The following STPG2 variants were observed in gnomAD, a reference collection of about 807,000 sequenced individuals.
STPG2 encodes the protein sperm-tail PG-rich repeat-containing protein 2.
In STPG2, 56 loss-of-function variants were observed where a neutral mutation model predicts 54.2. The ratio of observed to expected loss-of-function variants is 1.03; its 90% CI spans 0.83 to 1.29. STPG2 has a LOEUF of 1.29. STPG2 is among the 50% of genes most tolerant of loss of function. The pLI is 0.00. For synonymous variants in STPG2, 200 were observed against 181.8 expected, an observed-to-expected ratio of 1.10 and a Z score of -0.81; for missense variants, 596 against 544.9, an observed-to-expected ratio of 1.09 and a Z score of -0.93.
At chr4:97,687,041 C>T (rs1373172817) in intron 10 of STPG2, among the ~76,000 whole-genome samples, 1 of 151,246 alleles carries the variant, frequency 6.6e-6, no homozygotes, top group Non-Finnish European at 1.5e-5. Flanking sequence ...CCCGGGTTCA[C>T]GCCATTCTCC....
chr4:98,099,696 C>T (rs892766203), intron 5 of STPG2, among the ~76,000 whole-genome samples: 5 of 152,110 alleles, frequency 3.3e-5, no homozygotes. Flanking sequence ...GTGCTTATTT[C>T]ACATTGCATG....
intron 4 of STPG2, among the ~76,000 whole-genome samples, chr4:97,535,140 A>G (rs144118401): frequency 5.3e-5 from 8 of 152,310 alleles, no homozygotes; most frequent in African/African-American, 1.9e-4. Context: ...TCATTTGGGC[A>G]AATACTTAGG....
At chr4:97,527,041 G>A (rs1051847732) in intron 4 of STPG2, among the ~76,000 whole-genome samples, 14 of 151,056 alleles carry the variant, frequency 9.3e-5, no homozygotes, top group African/African-American at 2.9e-4. Flanking sequence ...GGATACATGT[G>A]CAGAACGTGC....
chr4:97,442,573 G>T (rs1396248102), intron 4 of STPG2, among the ~76,000 whole-genome samples: 2 of 152,258 alleles, frequency 1.3e-5, no homozygotes, highest in East Asian at 1.9e-4. Context: ...AGAAAAGATA[G>T]AATTGGGTCT....
intron 4 of STPG2, among the ~76,000 whole-genome samples, chr4:97,550,596 T>C (rs1484320472): frequency 6.6e-6 from 1 of 152,212 alleles, no homozygotes; most frequent in African/African-American, 2.4e-5. Flanking sequence ...GATTATTTAC[T>C]ATAACTGTGT....
At chr4:97,466,760 C>T (rs188832820) in intron 4 of STPG2, among the ~76,000 whole-genome samples, 6 of 151,902 alleles carry the variant, frequency 3.9e-5, no homozygotes, top group Non-Finnish European at 5.9e-5. Flanking sequence ...ATATGAGCTG[C>T]TTGAATAAGT....
chr4:97,858,575 CAA>C (rs747547789), intron 8 of STPG2, among the ~76,000 whole-genome samples: 2 of 152,078 alleles, frequency 1.3e-5, no homozygotes, highest in Non-Finnish European at 2.9e-5. Context: ...CTCCAAGTCC[CAA>C]GAGTCCATTA....
intron 10 of STPG2, among the ~76,000 whole-genome samples, chr4:97,677,714 T>A (rs997466240): frequency 2.0e-5 from 3 of 152,324 alleles, no homozygotes; most frequent in East Asian, 3.9e-4. Context: ...AGAACAACCA[T>A]CTTGAACCGG....
intron 8 of STPG2, among the ~76,000 whole-genome samples, chr4:97,862,860 G>A (rs567853528): frequency 3.9e-5 from 6 of 152,248 alleles, no homozygotes; most frequent in East Asian, 1.9e-4. Flanking sequence ...CATACGTAAC[G>A]AAATGGAGGC....
intron 4 of STPG2, among the ~76,000 whole-genome samples, chr4:97,545,770 A>C (rs998357270): frequency 1.3e-5 from 2 of 152,124 alleles, no homozygotes; most frequent in Non-Finnish European, 2.9e-5. Context: ...AAGAAACACA[A>C]AGGTTGATAA....
chr4:97,733,813 A>C (rs1261855814), intron 9 of STPG2, among the ~76,000 whole-genome samples: 1 of 151,758 alleles, frequency 6.6e-6, no homozygotes, highest in Non-Finnish European at 1.5e-5. Context: ...ATCCACTTTC[A>C]ATGTTTGCTC....
intron 8 of STPG2, among the ~76,000 whole-genome samples, chr4:97,934,463 C>G (rs1264869034): frequency 1.3e-5 from 2 of 152,074 alleles, no homozygotes; most frequent in Non-Finnish European, 2.9e-5. Flanking sequence ...ATGCTTCCAG[C>G]TTTTTCCCAC....
intron 9 of STPG2, among the ~76,000 whole-genome samples, chr4:97,782,479 A>G (rs191227273): frequency 1.3e-4 from 20 of 152,192 alleles, no homozygotes; most frequent in African/African-American, 4.8e-4. Flanking sequence ...GGAAGAATCA[A>G]TATTGTGAAA....
At chr4:98,061,986 CACATGT>C (rs1264528053) in intron 5 of STPG2, among the ~76,000 whole-genome samples, 2 of 152,088 alleles carry the variant, frequency 1.3e-5, no homozygotes, top group Non-Finnish European at 2.9e-5. Flanking sequence ...ACCATAAAGA[CACATGT>C]ACATGAATGT....
At chr4:98,136,727 A>C (rs537745155) in intron 1 of STPG2, among the ~76,000 whole-genome samples, 1 of 151,878 alleles carries the variant, frequency 6.6e-6, no homozygotes, top group African/African-American at 2.4e-5. Context: ...AGCTGGGAGA[A>C]ATGGAAGCAT....
chr4:97,571,434 A>G (rs1263606156), intron 10 of STPG2, among the ~76,000 whole-genome samples: 1 of 152,060 alleles, frequency 6.6e-6, no homozygotes, highest in African/African-American at 2.4e-5. Context: ...CACTAACATC[A>G]ACACAGACTT....
chr4:97,504,998 C>G (rs1730814302), intron 4 of STPG2, among the ~76,000 whole-genome samples: 1 of 151,450 alleles, frequency 6.6e-6, no homozygotes, highest in Admixed American at 6.6e-5. Context: ...AATCTGAAGA[C>G]CAGGCACAAA....
rs57563048 is a variant in STPG2, at chr4:97,456,891, C to CAAAAA, written c.462+255803_462+255807dup. On this transcript the variant is annotated intron_variant, in intron 4 of 4. Transcript: ENST00000522676. Reference sequence around the variant, plus strand: ...GCCTGGGTAACAGAGTGCTCCGTCTCAAAAAAAAAAAAAAGAAAATTAAAA... The same window carrying CAAAAA: ...GCCTGGGTAACAGAGTGCTCCGTCTCAAAAAAAAAAAAAAAAAAAGAAAATTAAAA... Among the ~76,000 whole-genome samples the CAAAAA allele has an allele frequency of 3.7e-3, 183 of 48,884 alleles. 6 individuals are homozygous for CAAAAA. Among genetic ancestry groups the CAAAAA allele is most frequent in the African/African-American group, 8.6e-3 (75 of 8,720 alleles). The allele number at this position is 48,884 out of a possible 152,430, so 32.1% of individuals were successfully genotyped here.
At chr4:97,864,163 T>A (rs1729671323) in intron 8 of STPG2, among the ~76,000 whole-genome samples, 1 of 152,192 alleles carries the variant, frequency 6.6e-6, no homozygotes, top group Non-Finnish European at 1.5e-5. Context: ...AAATTGTCCC[T>A]GTTTGCAGAT....
Sources: gnomAD v4.1 joint callset for allele counts (sites outside exome capture counted in the v4.1 genomes callset) on GRCh38, gnomAD v4.1.1 for gene constraint, MANE v1.5 for transcripts, NCBI Gene and HGNC (gene_info 2026-07-23, HGNC 2026-07-21) for gene names.